The following PRELID2 variants were observed in gnomAD, a reference collection of about 807,000 sequenced individuals.
PRELID2 encodes the protein PRELI domain-containing protein 2.
In PRELID2, 25 loss-of-function variants were observed where a neutral mutation model predicts 28.4. That is an observed-to-expected ratio of 0.88 (90% CI 0.64 to 1.23). The LOEUF (loss-of-function observed/expected upper bound fraction) is 1.23. PRELID2 is among the 50% of genes most tolerant of loss of function. The pLI, the probability that PRELID2 is intolerant of heterozygous loss-of-function variation, is 0.00. For missense variants in PRELID2, 201 were observed against 214.4 expected (o/e 0.94, Z 0.39); for synonymous variants, 76 against 71.6 (o/e 1.06, Z -0.31).
At chr5:145,703,780 C>T (rs1755472203) in intron 1 of PRELID2, 1 of 152,156 alleles carries the variant, frequency 6.6e-6, no homozygotes, top group Non-Finnish European at 1.5e-5. Context: ...CAACAAATTT[C>T]CCCTGCACCT....
the PRELID2 span, among the ~76,000 whole-genome samples, chr5:145,435,151 A>C: frequency 6.6e-6 from 1 of 152,208 alleles, no homozygotes; most frequent in Non-Finnish European, 1.5e-5. Flanking sequence ...CTTGTAGAGG[A>C]AGATAGGCAG....
At chr5:145,534,832 A>G (rs1326536847) in intron 1 of PRELID2, among the ~76,000 whole-genome samples, 1 of 151,996 alleles carries the variant, frequency 6.6e-6, no homozygotes, top group Non-Finnish European at 1.5e-5. Context: ...GCTGGGTGAC[A>G]AAATACTTCC....
chr5:145,243,376 G>A, the PRELID2 span, among the ~76,000 whole-genome samples: 4 of 151,928 alleles, frequency 2.6e-5, no homozygotes, highest in Admixed American at 6.6e-5. Context: ...TATAGTCAGG[G>A]TTAACAGAAT....
chr5:145,336,588 A>T, the PRELID2 span, among the ~76,000 whole-genome samples: 2 of 152,018 alleles, frequency 1.3e-5, no homozygotes, highest in South Asian at 2.1e-4. Context: ...AGTTGTAGAT[A>T]TGTGGCGTTA....
At chr5:145,657,482 G>A (rs140999891) in intron 1 of PRELID2, among the ~76,000 whole-genome samples, 65 of 152,170 alleles carry the variant, frequency 4.3e-4, no homozygotes, top group African/African-American at 1.4e-3. Flanking sequence ...TCAGGAGTTC[G>A]AGACCAACCT....
At chr5:145,779,379 C>A (rs1054372045) in intron 5 of PRELID2, among the ~76,000 whole-genome samples, 1 of 152,002 alleles carries the variant, frequency 6.6e-6, no homozygotes, top group Non-Finnish European at 1.5e-5. Context: ...AAAGTTGTTT[C>A]ACATGGTGTC....
the PRELID2 span, among the ~76,000 whole-genome samples, chr5:145,452,522 G>T: frequency 6.6e-6 from 1 of 152,096 alleles, no homozygotes; most frequent in Admixed American, 6.6e-5. Context: ...TTTCATATTA[G>T]CTTCCCAGTT....
chr5:145,510,497 A>G (rs1212925721), intron 1 of PRELID2, among the ~76,000 whole-genome samples: 1 of 152,154 alleles, frequency 6.6e-6, no homozygotes, highest in Non-Finnish European at 1.5e-5. Context: ...ATTCAGAAAC[A>G]CTGATGATGC....
At chr5:145,316,880 C>T in the PRELID2 span, among the ~76,000 whole-genome samples, 1 of 152,346 alleles carries the variant, frequency 6.6e-6, no homozygotes, top group Admixed American at 6.5e-5. Flanking sequence ...TCATTTCATC[C>T]TTTCTCCCTC....
At chr5:145,648,106 T>C (rs1754228107) in intron 1 of PRELID2, among the ~76,000 whole-genome samples, 1 of 152,240 alleles carries the variant, frequency 6.6e-6, no homozygotes, top group Admixed American at 6.5e-5. Flanking sequence ...ATGTATATAT[T>C]TTTTAAGAAT....
the PRELID2 span, among the ~76,000 whole-genome samples, chr5:145,325,757 T>A: frequency 6.6e-6 from 1 of 152,276 alleles, no homozygotes; most frequent in African/African-American, 2.4e-5. Context: ...CAATCTATCT[T>A]AATTAGGTTT....
intron 1 of PRELID2, among the ~76,000 whole-genome samples, chr5:145,512,956 C>T (rs1028389034): frequency 6.6e-5 from 10 of 152,162 alleles, no homozygotes; most frequent in South Asian, 2.1e-4. Flanking sequence ...ACAAAAAGGA[C>T]GTCCACACAA....
chr5:145,783,192 T>C (rs1751750423), intron 5 of PRELID2, among the ~76,000 whole-genome samples: 1 of 152,228 alleles, frequency 6.6e-6, no homozygotes. Context: ...GAATTTCAGC[T>C]GGTAAACCAA....
At chr5:145,320,273 C>T in the PRELID2 span, among the ~76,000 whole-genome samples, 7 of 142,786 alleles carry the variant, frequency 4.9e-5, 1 homozygote, top group South Asian at 1.1e-3. Flanking sequence ...CACTCAACAG[C>T]TTTTTTTTTT....
the PRELID2 span, among the ~76,000 whole-genome samples, chr5:145,345,450 T>C: frequency 2.6e-5 from 4 of 151,854 alleles, no homozygotes; most frequent in Admixed American, 2.0e-4. Flanking sequence ...AAAATGTTCC[T>C]CCCTCTCTAG....
chr5:145,372,731 T>C, the PRELID2 span, among the ~76,000 whole-genome samples: 2 of 151,096 alleles, frequency 1.3e-5, no homozygotes, highest in Non-Finnish European at 2.9e-5. Context: ...ATTTTTAGCC[T>C]AGGTGGGTCT....
intron 1 of PRELID2, among the ~76,000 whole-genome samples, chr5:145,666,621 C>G (rs1345294455): frequency 6.6e-6 from 1 of 152,110 alleles, no homozygotes; most frequent in African/African-American, 2.4e-5. Context: ...AATAGAAGGA[C>G]AAGCACTTTT....
rs74273635 is a variant in PRELID2, at chr5:145,820,123, GTTT to G, written c.134-108_134-106del. The G allele has an allele frequency of 5.3e-3, 1,389 of 264,186 alleles. 22 individuals carry two copies. Among genetic ancestry groups the G allele is most frequent in the African/African-American group, 0.027 (1,217 of 44,984 alleles). 16.4% of individuals were successfully genotyped at this position (264,186 alleles called of 1,614,324 possible). A position where few individuals can be genotyped will look rare whatever the true frequency, so the allele number is the denominator to read the frequency against. ...GGGGTTTTTTTGTTTTTTGTTTTTT[GTTT>G]TTTTTTTTTGAGACACCCAGGCTGG... On this transcript the variant is annotated intron_variant, in intron 2 of 6. Coordinates refer to ENST00000683046, the MANE Select transcript of PRELID2 (RefSeq NM_205846.3).
the PRELID2 span, among the ~76,000 whole-genome samples, chr5:145,317,611 T>G: frequency 1.3e-5 from 2 of 152,052 alleles, no homozygotes; most frequent in South Asian, 4.2e-4. Context: ...GACTGGGGGG[T>G]GGAGAAAAAG....
Sources: gnomAD v4.1 joint callset for allele counts (sites outside exome capture counted in the v4.1 genomes callset) on GRCh38, gnomAD v4.1.1 for gene constraint, MANE v1.5 for transcripts, NCBI Gene and HGNC (gene_info 2026-07-23, HGNC 2026-07-21) for gene names.